CPAMD8: variants seen among roughly 807,000 people sequenced by gnomAD.
CPAMD8 encodes the protein C3 and PZP-like alpha-2-macroglobulin domain-containing protein 8.
CPAMD8 carries 146 observed loss-of-function variants against 224.7 expected under a neutral mutation model. The ratio of observed to expected loss-of-function variants is 0.65; its 90% CI spans 0.57 to 0.75. The LOEUF is 0.75. CPAMD8 is among the 30% of genes least tolerant of loss of function. The pLI is 0.00. For synonymous variants in CPAMD8, 966 were observed against 1,044.6 expected, an observed-to-expected ratio of 0.92 and a Z score of 1.45; for missense variants, 2,301 against 2,537.5, an observed-to-expected ratio of 0.91 and a Z score of 2.00.
chr19:16,894,953 C>CAT (rs2051902264), intron 41 of CPAMD8: 1 of 177,820 alleles, frequency 5.6e-6, no homozygotes, highest in Non-Finnish European at 1.2e-5. Context: ...CACACACACA[C>CAT]ACACACACTA....
At chr19:16,989,825 G>C in intron 12 of CPAMD8, 54 bp from the exon 13 acceptor site, 2 of 1,569,256 alleles carry the variant, frequency 1.3e-6, no homozygotes, top group Non-Finnish European at 1.7e-6. Context: ...CAGAAAGGGG[G>C]TCTTGGGGAT....
At chr19:16,946,366 T>G (rs2054085157) in intron 21 of CPAMD8, among the ~76,000 whole-genome samples, 11 of 150,958 alleles carry the variant, frequency 7.3e-5, no homozygotes, top group Admixed American at 7.3e-4. Flanking sequence ...TGGGGGTGTG[T>G]GTGTGTGGAT....
At chr19:16,906,345 T>G (rs2052480896) in intron 30 of CPAMD8, among the ~76,000 whole-genome samples, 1 of 29,396 alleles carries the variant, frequency 3.4e-5, no homozygotes, top group Non-Finnish European at 7.1e-5. Context: ...TCCCTTTCTT[T>G]CTTTCTTTCT....
At chr19:17,012,914 G>A (rs1295327809) in intron 3 of CPAMD8, among the ~76,000 whole-genome samples, 2 of 152,216 alleles carry the variant, frequency 1.3e-5, no homozygotes, top group African/African-American at 2.4e-5. Flanking sequence ...GAGCGCAATG[G>A]CTCACACCTG....
At chr19:16,893,637 G>A (rs2051845804) in intron 41 of CPAMD8, 2 of 311,848 alleles carry the variant, frequency 6.4e-6, no homozygotes, top group Non-Finnish European at 1.2e-5. Context: ...CTGGTGGCAG[G>A]CAGCTGGTAG....
chr19:16,916,878 C>T (rs1291593486), intron 27 of CPAMD8, among the ~76,000 whole-genome samples: 1 of 152,026 alleles, frequency 6.6e-6, no homozygotes, highest in African/African-American at 2.4e-5. Context: ...GCCAGGAGAC[C>T]CCATGGCTCC....
intron 27 of CPAMD8, among the ~76,000 whole-genome samples, chr19:16,917,199 C>G (rs548152878): frequency 6.6e-6 from 1 of 152,262 alleles, no homozygotes; most frequent in African/African-American, 2.4e-5. Context: ...TGAAACCAGC[C>G]TGGGCAACAT....
intron 7 of CPAMD8, among the ~76,000 whole-genome samples, chr19:17,007,741 G>A (rs2056532200): frequency 6.6e-6 from 1 of 152,152 alleles, no homozygotes; most frequent in Non-Finnish European, 1.5e-5. Flanking sequence ...AAGCAAAGTG[G>A]GGTATGTCAA....
In CPAMD8 at chr19:16,893,272, G is replaced by T; in HGVS notation, c.5494C>A (p.Pro1832Thr). 6.4e-7 allele frequency: 1 copy of T among 1,565,214 alleles called. No individual in the cohort carries two copies. Reference sequence around the variant, plus strand: ...GGAGTCTGGCCCCATCTGTGGAACGGGCTGGCGCTCTGGGTGCTGCTTTCC... The same window carrying T: ...GGAGTCTGGCCCCATCTGTGGAACGTGCTGGCGCTCTGGGTGCTGCTTTCC... ...NLESSTQSASPFHRWGQTPAP... is the reference protein window; with the variant it reads ...NLESSTQSASTFHRWGQTPAP... The change falls in exon 42 of 42, where the codon CCG (proline) becomes ACG (threonine). Residue 1832 changes from proline to threonine, a missense_variant. By Grantham distance (38) the Pro-to-Thr change is conservative. Around this residue, in one of 4 missense-constraint regions of CPAMD8, gnomAD observed 1,709 missense variants for 1,753.2 expected, o/e 0.97. Coordinates refer to ENST00000443236, the MANE Select transcript of CPAMD8 (RefSeq NM_015692.5).
At chr19:16,943,773 T>C (rs977787248) in intron 22 of CPAMD8, among the ~76,000 whole-genome samples, 4 of 152,130 alleles carry the variant, frequency 2.6e-5, no homozygotes, top group Non-Finnish European at 5.9e-5. Flanking sequence ...ACAGGCCAGA[T>C]ACCATGAGAG....
chr19:17,024,393 C>G (rs552411136), intron 1 of CPAMD8, among the ~76,000 whole-genome samples: 4 of 152,324 alleles, frequency 2.6e-5, no homozygotes, highest in East Asian at 1.9e-4. Flanking sequence ...CAGCACTGAC[C>G]AGGACATGCA....
rs188826267 is a variant in CPAMD8, at chr19:16,942,236, C to T, written c.2793+3313G>A. Reference sequence around the variant, plus strand: ...CAGCACTTTGGGAGACCGAGGCGGGCGGGTCACCTGAGGTCAGGCGTTCAA... The same window carrying T: ...CAGCACTTTGGGAGACCGAGGCGGGTGGGTCACCTGAGGTCAGGCGTTCAA... On this transcript the variant is annotated intron_variant, in intron 22 of 41. Transcript: ENST00000443236. Among the ~76,000 whole-genome samples the T allele has an allele frequency of 2.8e-4, 43 of 152,100 alleles. No homozygotes were observed. The South Asian group carries it at 5.2e-3, about 18-fold the overall frequency.
rs1489145377 is a variant in CPAMD8, at chr19:16,914,626, G to A, written c.3786+31C>T. 4 of 1,613,574 alleles carry A rather than the reference G, an allele frequency of 2.5e-6. No individual in the cohort carries two copies. In the Admixed American group the frequency reaches 6.7e-5, roughly 27 times the overall value. On this transcript the variant is annotated intron_variant, in intron 28 of 41. Coordinates refer to ENST00000443236, the MANE Select transcript of CPAMD8 (RefSeq NM_015692.5). ...CTGGGGCTCTGGGAGGAGGTGAGGG[G>A]CCCGGGAAGGAGGCTCAAGGGGCCA... is the stretch of plus-strand genomic sequence containing the variant.
chr19:16,967,769 A>G (rs1413706569), intron 18 of CPAMD8, among the ~76,000 whole-genome samples: 1 of 149,846 alleles, frequency 6.7e-6, no homozygotes, highest in Non-Finnish European at 1.5e-5. Context: ...AGATGGCGCC[A>G]CTACACTCCA....
Position 16,928,070 on chromosome 19 carries a change from G to A in CPAMD8, c.3309C>T (p.Phe1103=), listed in dbSNP as rs374653412. The A allele has an allele frequency of 2.5e-4, 409 of 1,613,886 alleles. No individual in the cohort carries two copies. Among genetic ancestry groups the A allele is most frequent in the Non-Finnish European group, 3.3e-4 (386 of 1,179,982 alleles). The change falls in exon 25 of 42, where the codon TTC becomes TTT. Residue 1103 remains phenylalanine (F), a synonymous_variant. Transcript: ENST00000443236. ...TGGCGCCGTGTGGGACCCCCAGGGT[G>A]AAGGCCTCGCTGTAGCTCTCGTCCA... ...MEVDESYSEA[F]TLGVPHGAIP... is the part of the protein sequence containing the mutation.
At chr19:17,002,155 T>G in intron 9 of CPAMD8, 111 bp downstream of exon 9, 3 of 691,822 alleles carry the variant, frequency 4.3e-6, no homozygotes, top group South Asian at 1.8e-5. Context: ...GGCACACCCA[T>G]GTGGGAGGGA....
In CPAMD8 at chr19:16,987,152, C is replaced by CAAAAAAAAA. The variant is rs1214757739; in HGVS notation, c.1395+2482_1395+2490dup. Among the ~76,000 whole-genome samples, 9 of 23,006 alleles carry CAAAAAAAAA rather than the reference C, an allele frequency of 3.9e-4. 1 individual carries two copies. Among genetic ancestry groups the CAAAAAAAAA allele is most frequent in the Non-Finnish European group, 5.9e-4 (7 of 11,942 alleles). 15.1% of individuals were successfully genotyped at this position (23,006 alleles called of 152,430 possible). ...CCAGCCTGGGAGACAGAGACTCTGT[C>CAAAAAAAAA]AAAAAAAAAAAAAAAAAAAAAAAAA... On this transcript the variant is annotated intron_variant, in intron 13 of 41. Coordinates refer to ENST00000443236, the MANE Select transcript of CPAMD8 (RefSeq NM_015692.5).
chr19:17,008,242 G>A (rs534199561), intron 7 of CPAMD8, among the ~76,000 whole-genome samples: 35 of 152,180 alleles, frequency 2.3e-4, no homozygotes, highest in Non-Finnish European at 4.0e-4. Flanking sequence ...CAGGAGCCCC[G>A]CCTGAGTCCT....
intron 35 of CPAMD8, among the ~76,000 whole-genome samples, chr19:16,901,540 T>C (rs960180512): frequency 1.3e-5 from 2 of 152,202 alleles, no homozygotes; most frequent in African/African-American, 4.8e-5. Context: ...ACCAGGTCTC[T>C]TGACTAAGCA....
Sources: gnomAD v4.1 joint callset for allele counts (sites outside exome capture counted in the v4.1 genomes callset) on GRCh38, gnomAD v4.1.1 for gene constraint, gnomAD v4.1.1 regional missense constraint, MANE v1.5 for transcripts, NCBI Gene and HGNC (gene_info 2026-07-23, HGNC 2026-07-21) for gene names.